Variants in RIMS2 observed in about 807,000 individuals in gnomAD.
RIMS2 encodes the protein regulating synaptic membrane exocytosis protein 2.
In RIMS2, 59 loss-of-function variants were observed where a neutral mutation model predicts 174.4. That is an observed-to-expected ratio of 0.34 (90% confidence interval 0.27 to 0.42). The LOEUF is 0.42. Among genes scored for constraint, RIMS2 ranks in the 10% least tolerant of loss-of-function variants. RIMS2 has a pLI of 1.00. For synonymous variants in RIMS2, 606 were observed against 572.5 expected, an observed-to-expected ratio of 1.06 and a Z score of -0.84; for missense variants, 1,620 against 1,666.3, an observed-to-expected ratio of 0.97 and a Z score of 0.48.
intron 2 of RIMS2, among the ~76,000 whole-genome samples, chr8:103,723,358 C>G (rs2097480727): frequency 1.3e-5 from 2 of 152,172 alleles, no homozygotes; most frequent in African/African-American, 4.8e-5. Context: ...CTGGCTTCAG[C>G]AGGGAAAGCC....
In RIMS2 at chr8:104,086,135, T is replaced by C. The variant is rs78691632; in HGVS notation, c.3334+71520T>C. 2.8e-4 allele frequency among the ~76,000 whole-genome samples: 42 copies of C among 151,464 alleles called. 2 individuals are homozygous for C. The East Asian group carries it at 8.2e-3, about 29-fold the overall frequency. ...AAAAGTAACACTCAGGGACATAGAGTAGAAACCCTGAGTGGCAATATCTAA... is the reference window on the plus strand; with the variant it reads ...AAAAGTAACACTCAGGGACATAGAGCAGAAACCCTGAGTGGCAATATCTAA... On this transcript the variant is annotated intron_variant, in intron 19 of 23. Transcript: ENST00000504942.
intron 3 of RIMS2, among the ~76,000 whole-genome samples, chr8:103,859,035 G>C (rs1208155567): frequency 2.6e-5 from 4 of 152,104 alleles, no homozygotes; most frequent in Non-Finnish European, 5.9e-5. Flanking sequence ...CTACAAGATA[G>C]ATCATGAGAA....
chr8:104,069,979 G>A (rs1036872972), intron 19 of RIMS2, among the ~76,000 whole-genome samples: 2 of 152,088 alleles, frequency 1.3e-5, no homozygotes, highest in Admixed American at 6.6e-5. Context: ...TAATATTTGT[G>A]GTCTCCGTGT....
At chr8:103,733,467 C>T (rs1054230795) in intron 2 of RIMS2, among the ~76,000 whole-genome samples, 3 of 152,056 alleles carry the variant, frequency 2.0e-5, no homozygotes, top group Admixed American at 1.3e-4. Context: ...TGACTTCAAG[C>T]CCAGCATAGC....
At chr8:103,934,043 C>T (rs1360467096) in intron 12 of RIMS2, among the ~76,000 whole-genome samples, 1 of 151,862 alleles carries the variant, frequency 6.6e-6, no homozygotes, top group Admixed American at 6.6e-5. Context: ...AATAACTGGG[C>T]TTGTTTTATA....
chr8:103,976,548 C>CTTTTTCTTTTTTTTTTTTTTTTTTTT (rs1555075311), intron 16 of RIMS2: 1 of 124,566 alleles, frequency 8.0e-6, no homozygotes, highest in Non-Finnish European at 1.7e-5. Context: ...TTTTCTTTTT[C>CTTTTTCTTTTTTTTTTTTTTTTTTTT]TTTTTTTTTT....
chr8:104,147,391 T>C (rs1192075153), intron 19 of RIMS2, among the ~76,000 whole-genome samples: 2 of 151,990 alleles, frequency 1.3e-5, no homozygotes, highest in Admixed American at 6.6e-5. Context: ...ACCGCCTAAA[T>C]ACTTGGAGAA....
At chr8:104,035,117 AT>A (rs1350247308) in intron 19 of RIMS2, among the ~76,000 whole-genome samples, 1 of 151,944 alleles carries the variant, frequency 6.6e-6, no homozygotes, top group Admixed American at 6.6e-5. Flanking sequence ...CTTTAAAATG[AT>A]TATGAGCTTT....
exon 6 of RIMS2, chr8:103,912,061 A>G (rs942331418): frequency 1.9e-6 from 3 of 1,592,492 alleles, no homozygotes; most frequent in Non-Finnish European, 1.7e-6. Context: ...AGCACCCTGT[A>G]ACCTGGCAAC....
downstream of RIMS2, chr8:104,253,005 G>T (rs1490025710): frequency 6.6e-6 from 1 of 152,162 alleles, no homozygotes; most frequent in Non-Finnish European, 1.5e-5. Context: ...TTAACTTTAA[G>T]AGCTTTCTTT....
chr8:104,073,893 A>G (rs1404406453), intron 19 of RIMS2, among the ~76,000 whole-genome samples: 1 of 152,174 alleles, frequency 6.6e-6, no homozygotes, highest in African/African-American at 2.4e-5. Flanking sequence ...ACAGAGCTTC[A>G]TTTTTTAAAA....
intron 2 of RIMS2, among the ~76,000 whole-genome samples, chr8:103,734,552 A>G (rs146012095): frequency 6.6e-6 from 1 of 150,970 alleles, no homozygotes; most frequent in East Asian, 2.0e-4. Flanking sequence ...AATAGTAGAC[A>G]CCCTCTGCTT....
At chr8:104,152,649 T>G (rs1199295140) in intron 19 of RIMS2, among the ~76,000 whole-genome samples, 1 of 152,114 alleles carries the variant, frequency 6.6e-6, no homozygotes, top group Non-Finnish European at 1.5e-5. Flanking sequence ...AAAGTCATTA[T>G]CTACAATAAT....
chr8:104,134,295 T>A (rs2098499976), intron 19 of RIMS2, among the ~76,000 whole-genome samples: 1 of 152,056 alleles, frequency 6.6e-6, no homozygotes, highest in Non-Finnish European at 1.5e-5. Context: ...TGAGATCTCA[T>A]CTCTACTAAA....
chr8:103,863,798 T>G lies in RIMS2; in HGVS notation c.699-21500T>G, dbSNP rs118143300. ...GTTGTAATGTCACCTTTATTGTTTC[T>G]GATTGTTCTGATTTGAGTCTTCTTT... is the stretch of plus-strand genomic sequence containing the variant. On this transcript the variant is annotated intron_variant, in intron 3 of 23. Transcript: ENST00000504942. Among the ~76,000 whole-genome samples the G allele has an allele frequency of 7.4e-3, 1,128 of 152,212 alleles. 6 individuals are homozygous for G. Among genetic ancestry groups the G allele is most frequent in the Non-Finnish European group, 0.012 (812 of 68,010 alleles).
chr8:103,900,255 C>T (rs976198558), intron 4 of RIMS2, among the ~76,000 whole-genome samples: 1 of 151,660 alleles, frequency 6.6e-6, no homozygotes, highest in African/African-American at 2.4e-5. Context: ...TAGAGTCTCA[C>T]TCTTGTCTCC....
intron 2 of RIMS2, among the ~76,000 whole-genome samples, chr8:103,709,344 T>TG (rs1295765580): frequency 1.3e-5 from 2 of 151,592 alleles, no homozygotes; most frequent in African/African-American, 4.8e-5. Flanking sequence ...ATGTGGGTTT[T>TG]TTTTTTTTTT....
chr8:103,869,217 C>T (rs1483172703), intron 3 of RIMS2, among the ~76,000 whole-genome samples: 8 of 143,738 alleles, frequency 5.6e-5, no homozygotes, highest in African/African-American at 1.6e-4. Context: ...TTTTTTAAGA[C>T]GGAATTTCGC....
chr8:104,161,166 G>T (rs1228737871), intron 19 of RIMS2, among the ~76,000 whole-genome samples: 1 of 152,036 alleles, frequency 6.6e-6, no homozygotes, highest in Admixed American at 6.5e-5. Context: ...CATAAGTTTA[G>T]CTGTTATCAT....
Sources: gnomAD v4.1 joint callset for allele counts (sites outside exome capture counted in the v4.1 genomes callset) on GRCh38, gnomAD v4.1.1 for gene constraint, MANE v1.5 for transcripts, NCBI Gene and HGNC (gene_info 2026-07-23, HGNC 2026-07-21) for gene names.